ABR: variants seen among roughly 807,000 people sequenced by gnomAD.
ABR encodes ABR activator of RhoGEF and GTPase.
ABR carries 35 observed loss-of-function variants against 107.2 expected under a neutral mutation model. The ratio of observed to expected loss-of-function variants is 0.33; its 90% CI spans 0.25 to 0.43. ABR has a LOEUF of 0.43. Ranked by LOEUF, ABR falls within the 20% of genes least tolerant of loss-of-function variation. The probability of loss-of-function intolerance (pLI) is 1.00; values close to 1 mark genes in which losing one functional copy is unlikely to be tolerated. For synonymous variants in ABR, 498 were observed against 462.0 expected (o/e 1.08, Z -1.00); for missense variants, 815 against 1,115.2 (o/e 0.73, Z 3.83).
intron 1 of ABR, among the ~76,000 whole-genome samples, chr17:1,208,887 CAAAA>C (rs544264330): frequency 1.5e-5 from 1 of 64,704 alleles, no homozygotes; most frequent in Admixed American, 1.8e-4. Flanking sequence ...GACTCCGTCT[CAAAA>C]AAAAAAAAAA....
chr17:1,218,394 G>A (rs557703956), intron 1 of ABR, among the ~76,000 whole-genome samples: 1 of 152,302 alleles, frequency 6.6e-6, no homozygotes, highest in South Asian at 2.1e-4. Context: ...AGGTCTGTCG[G>A]GAAAATTATC....
chr17:1,073,599 T>A (rs2035430775), intron 7 of ABR, 26 bp downstream of exon 7: 2 of 1,545,344 alleles, frequency 1.3e-6, no homozygotes, highest in African/African-American at 2.7e-5. Flanking sequence ...AAGCCCTCTC[T>A]GGCCATTCGG....
At chr17:1,177,256 C>G (rs1217622155) in intron 1 of ABR, among the ~76,000 whole-genome samples, 1 of 152,156 alleles carries the variant, frequency 6.6e-6, no homozygotes, top group East Asian at 1.9e-4. Flanking sequence ...GGCTAACAGC[C>G]CAAACATGAC....
chr17:1,220,488 CTCA>C (rs2150758435), intron 1 of ABR, among the ~76,000 whole-genome samples: 1 of 152,248 alleles, frequency 6.6e-6, no homozygotes, highest in South Asian at 2.1e-4. Flanking sequence ...ACAGGACAGA[CTCA>C]CGTGGTGTAA....
intron 10 of ABR, among the ~76,000 whole-genome samples, chr17:1,060,004 G>A (rs1017691255): frequency 5.3e-5 from 8 of 152,222 alleles, no homozygotes; most frequent in African/African-American, 7.2e-5. Flanking sequence ...AGGCACCTGC[G>A]CAGTGATGTT....
intron 2 of ABR, among the ~76,000 whole-genome samples, chr17:1,114,772 C>CAA (rs35379371): frequency 3.5e-5 from 5 of 141,530 alleles, no homozygotes; most frequent in African/African-American, 1.3e-4. Flanking sequence ...GACTCCGTCT[C>CAA]AAAAAAAAAA....
chr17:1,125,307 G>A lies in ABR; in HGVS notation c.122C>T (p.Pro41Leu), dbSNP rs573239507. The A allele has an allele frequency of 3.5e-5, 56 of 1,613,768 alleles. No individual in the cohort carries two copies. The highest frequency in any genetic ancestry group is 3.3e-4 in the Admixed American group (20 of 60,018). ...GEGNEEQKGP[P>L]EGSETMPYID... ...GTACGGCATGGTCTCTGAGCCCTCC[G>A]GGGGCCCCTTCTGCTCCTCATTCCC... Residue 41 changes from proline to leucine, a missense_variant, in exon 2 of 23, where the codon CCG (proline) becomes CTG (leucine). By Grantham distance (98) the Pro-to-Leu change is moderately conservative. Around this residue, in one of 5 missense-constraint regions of ABR, gnomAD observed 129 missense variants for 124.8 expected, o/e 1.03. Transcript: ENST00000302538.
intron 9 of ABR, 147 bp from the exon 10 acceptor site, chr17:1,067,389 AT>A: frequency 1.2e-6 from 1 of 816,182 alleles, no homozygotes; most frequent in Non-Finnish European, 1.8e-6. Context: ...GAGGAGCCTG[AT>A]TGGGAAACAC....
In ABR at chr17:1,078,727, A is replaced by ATAG; in HGVS notation, c.700+602_700+603insCTA. 7.1e-7 allele frequency: 1 copy of ATAG among 1,401,352 alleles called. No individual in the cohort carries two copies. The highest frequency in any genetic ancestry group is 9.7e-7 in the Non-Finnish European group (1 of 1,034,392). The allele number at this position is 1,401,352 out of a possible 1,614,324, so 86.8% of individuals were successfully genotyped here. The stretch of plus-strand genomic sequence containing the variant: ...CCACCCTCCTTCCCTGCGGCCCTCT[A>ATAG]ACCTCCCCGGCCACATCTAAGCCCA... On this transcript the variant is annotated intron_variant, in intron 6 of 22. Transcript: ENST00000302538. This position sits in a 1 kb window ranked among gnomAD's most constrained non-coding sequence, Gnocchi z 7.5.
chr17:1,049,955 A>G, intron 16 of ABR, 95 bp downstream of exon 16: 1 of 1,493,694 alleles, frequency 6.7e-7, no homozygotes, highest in Non-Finnish European at 8.9e-7. Context: ...TGGAACCAAA[A>G]TCACGAAAGA....
chr17:1,163,316 G>A (rs1485360765), intron 1 of ABR, among the ~76,000 whole-genome samples: 1 of 152,194 alleles, frequency 6.6e-6, no homozygotes, highest in Non-Finnish European at 1.5e-5. Flanking sequence ...TATCGACCCT[G>A]TAAAAGCAAA....
chr17:1,035,389 T>C (rs1247203196), intron 16 of ABR, among the ~76,000 whole-genome samples: 7 of 25,346 alleles, frequency 2.8e-4, no homozygotes, highest in African/African-American at 1.2e-3. Flanking sequence ...ACCCCTTCCA[T>C]CCCCCACACC....
upstream of ABR, among the ~76,000 whole-genome samples, chr17:1,180,522 G>A (rs2042101574): frequency 1.3e-5 from 2 of 152,206 alleles, no homozygotes; most frequent in Admixed American, 1.3e-4. Context: ...GTGGAGACCC[G>A]GGAGGACCGA....
At chr17:1,104,390 A>C (rs1279066234) in intron 2 of ABR, among the ~76,000 whole-genome samples, 1 of 152,198 alleles carries the variant, frequency 6.6e-6, no homozygotes, top group Non-Finnish European at 1.5e-5. Flanking sequence ...GTTCCAGGCC[A>C]AGCAAAGACA....
At chr17:1,093,709 A>G (rs2037194317) in intron 3 of ABR, among the ~76,000 whole-genome samples, 1 of 152,164 alleles carries the variant, frequency 6.6e-6, no homozygotes, top group South Asian at 2.1e-4. Context: ...CACCAGCTCC[A>G]GCCAACCACG....
At chr17:1,058,893 T>G (rs1368209724) in intron 10 of ABR, 26 bp from the exon 11 acceptor site, 2 of 1,613,336 alleles carry the variant, frequency 1.2e-6, no homozygotes, top group Non-Finnish European at 1.7e-6. Flanking sequence ...ACACAGAGGG[T>G]TCCCCTCACA....
chr17:1,040,659 G>T (rs2030249157), intron 16 of ABR, among the ~76,000 whole-genome samples: 1 of 152,194 alleles, frequency 6.6e-6, no homozygotes, highest in Admixed American at 6.5e-5. Context: ...CACTGGAAGG[G>T]GGTGGGGGAC....
intron 1 of ABR, among the ~76,000 whole-genome samples, chr17:1,194,060 C>T (rs986696563): frequency 5.9e-5 from 9 of 152,178 alleles, no homozygotes; most frequent in African/African-American, 2.2e-4. Flanking sequence ...GATGAATTTC[C>T]ATCCTCTTTC....
chr17:1,170,308 C>A (rs1279455362), intron 1 of ABR, among the ~76,000 whole-genome samples: 1 of 152,146 alleles, frequency 6.6e-6, no homozygotes, highest in African/African-American at 2.4e-5. Flanking sequence ...CGTCAAGGAG[C>A]CCCCACCAGC....
Sources: gnomAD v4.1 joint callset for allele counts (sites outside exome capture counted in the v4.1 genomes callset) on GRCh38, gnomAD v4.1.1 for gene constraint, gnomAD v4.1.1 regional missense constraint, Gnocchi (gnomAD v3.1) non-coding constraint, MANE v1.5 for transcripts, NCBI Gene and HGNC (gene_info 2026-07-23, HGNC 2026-07-21) for gene names.